MAFF: variants seen among roughly 807,000 people sequenced by gnomAD.
The protein encoded by MAFF is transcription factor MafF.
A neutral mutation model predicts 2.7 loss-of-function variants in MAFF; 4 were observed. That is an observed-to-expected ratio of 1.48 (90% CI 0.73 to 3.39). The LOEUF is 3.39. Among genes scored for constraint, MAFF ranks in the 30% most tolerant of loss-of-function variants. The pLI, the probability that MAFF is intolerant of heterozygous loss-of-function variation, is 0.01. For synonymous variants in MAFF, 113 were observed against 119.4 expected, an observed-to-expected ratio of 0.95 and a Z score of 0.35; for missense variants, 190 against 246.6, an observed-to-expected ratio of 0.77 and a Z score of 1.54.
In MAFF at chr22:38,214,275, C is replaced by A; in HGVS notation, c.37-145C>A. On this transcript the variant is annotated intron_variant, in intron 2 of 2. Transcript: ENST00000338483. This position sits in a 1 kb window ranked among gnomAD's most constrained non-coding sequence, Gnocchi z 6.3. The stretch of plus-strand genomic sequence containing the variant: ...CGATCCTAGTCTGGCCCGGTTTCCC[C>A]TTCCCGGATTCCTGCTCCCCTTCGG... 1.2e-6 allele frequency: 1 copy of A among 817,806 alleles called. No individual in the cohort carries two copies. The highest frequency in any genetic ancestry group is 1.7e-5 in the African/African-American group (1 of 57,690). 50.7% of individuals were successfully genotyped at this position (817,806 alleles called of 1,614,324 possible). A position where few individuals can be genotyped will look rare whatever the true frequency, so the allele number is the denominator to read the frequency against.
intron 1 of MAFF, 29 bp from the exon 2 acceptor site, chr22:38,213,794 C>G (rs2091120592): frequency 1.9e-6 from 3 of 1,541,650 alleles, no homozygotes; most frequent in Non-Finnish European, 2.7e-6. Context: ...AAAAACAAAA[C>G]AGTGACTTTG....
intron 1 of MAFF, among the ~76,000 whole-genome samples, chr22:38,209,308 G>T (rs1020606395): frequency 6.6e-6 from 1 of 151,666 alleles, no homozygotes; most frequent in Non-Finnish European, 1.5e-5. Context: ...CTTGTGATCC[G>T]CCCGCCTCAG....
In MAFF at chr22:38,215,232, T is replaced by C. The variant is rs1416386144; in HGVS notation, c.*354T>C. 4.3e-6 allele frequency: 1 copy of C among 234,212 alleles called. No homozygotes were observed. Among genetic ancestry groups the C allele is most frequent in the Non-Finnish European group, 9.0e-6 (1 of 110,826 alleles). The allele number at this position is 234,212 out of a possible 1,614,324, so 14.5% of individuals were successfully genotyped here. On this transcript the variant is annotated 3_prime_UTR_variant, in exon 3 of 3. Coordinates refer to ENST00000338483, the MANE Select transcript of MAFF (RefSeq NM_012323.4). ...TTGGAAACTGCTCTTATTGTGCCAA[T>C]ATGCCCTCCAAACCCTCCCAGGATT...
At chr22:38,207,592 A>G (rs1442770877) in intron 1 of MAFF, among the ~76,000 whole-genome samples, 1 of 146,416 alleles carries the variant, frequency 6.8e-6, no homozygotes, top group East Asian at 2.0e-4. Context: ...GGCGCCCACC[A>G]CCACACCCGG....
chr22:38,215,167 T>C lies in MAFF; in HGVS notation c.*289T>C, dbSNP rs1270503493. On this transcript the variant is annotated 3_prime_UTR_variant, in exon 3 of 3. Coordinates refer to ENST00000338483, the MANE Select transcript of MAFF (RefSeq NM_012323.4). Reference sequence around the variant, plus strand: ...TAGATTGAGAGATACAGAGCCGGCTTAGAGAACAGCTGTTGGGGGAGAAGA... The same window carrying C: ...TAGATTGAGAGATACAGAGCCGGCTCAGAGAACAGCTGTTGGGGGAGAAGA... The C allele has an allele frequency of 1.3e-5, 5 of 372,730 alleles. No homozygotes were observed. The highest frequency in any genetic ancestry group is 5.7e-4 in the Middle Eastern group (1 of 1,766). The allele number at this position is 372,730 out of a possible 1,614,324, so 23.1% of individuals were successfully genotyped here. A position where few individuals can be genotyped will look rare whatever the true frequency, so the allele number is the denominator to read the frequency against.
intron 1 of MAFF, among the ~76,000 whole-genome samples, chr22:38,206,352 T>C (rs1457211032): frequency 1.3e-5 from 2 of 149,120 alleles, no homozygotes; most frequent in African/African-American, 5.0e-5. Context: ...TTTTTTTTTT[T>C]TTTTTTTTTG....
intron 1 of MAFF, among the ~76,000 whole-genome samples, chr22:38,210,839 C>T (rs545698110): frequency 3.9e-5 from 6 of 151,916 alleles, no homozygotes; most frequent in Non-Finnish European, 8.8e-5. Context: ...GCAGGCGGAT[C>T]GCTTGAGCCA....
At chr22:38,204,498 AT>A (rs1173163604) in intron 1 of MAFF, among the ~76,000 whole-genome samples, 34 of 152,180 alleles carry the variant, frequency 2.2e-4, no homozygotes, top group African/African-American at 7.9e-4. Flanking sequence ...TGCTTCTTGG[AT>A]GTTTGCTGAT....
At chr22:38,212,048 G>A (rs2091105327) in intron 1 of MAFF, among the ~76,000 whole-genome samples, 1 of 152,158 alleles carries the variant, frequency 6.6e-6, no homozygotes. Flanking sequence ...CTCCCAGGCT[G>A]GAGTGCAGTG....
At position 38,214,464 on chromosome 22, in the gene MAFF, G is replaced by A; in HGVS notation, c.81G>A (p.Glu27=). The stretch of plus-strand genomic sequence containing the variant: ...AGAACACGCCGCACCTGTCGGACGA[G>A]GCGCTGATGGGGCTGTCGGTGCGCG... ...LSENTPHLSD[E]ALMGLSVREL... The change falls in exon 3 of 3, where the codon GAG becomes GAA. Residue 27 remains glutamate, a synonymous_variant. Coordinates refer to ENST00000338483, the MANE Select transcript of MAFF (RefSeq NM_012323.4). The surrounding 1 kb of genome is among the most constrained non-coding windows in gnomAD (Gnocchi z 6.3). The A allele has an allele frequency of 6.2e-7, 1 of 1,608,632 alleles. No homozygotes were observed. Among genetic ancestry groups the A allele is most frequent in the Non-Finnish European group, 8.5e-7 (1 of 1,178,478 alleles).
intron 1 of MAFF, among the ~76,000 whole-genome samples, chr22:38,210,623 AGTGTGTGT>A (rs71195095): frequency 2.8e-4 from 37 of 133,012 alleles, no homozygotes; most frequent in African/African-American, 5.7e-4. Flanking sequence ...GGACACAGGG[AGTGTGTGT>A]GTGTGTGTGT....
intron 1 of MAFF, among the ~76,000 whole-genome samples, chr22:38,208,697 C>A (rs1259533465): frequency 2.0e-5 from 3 of 152,138 alleles, no homozygotes; most frequent in African/African-American, 7.2e-5. Context: ...GGAGAGACAG[C>A]AAGGAAATAC....
At chr22:38,205,900 T>C (rs1322312582) in intron 1 of MAFF, among the ~76,000 whole-genome samples, 1 of 152,148 alleles carries the variant, frequency 6.6e-6, no homozygotes, top group Non-Finnish European at 1.5e-5. Flanking sequence ...TACCAGAAAG[T>C]TCCCCCTTCT....
intron 1 of MAFF, among the ~76,000 whole-genome samples, chr22:38,205,912 G>A (rs573486254): frequency 6.6e-6 from 1 of 152,352 alleles, no homozygotes; most frequent in South Asian, 2.1e-4. Flanking sequence ...CCCCCTTCTT[G>A]TGACTTTCCC....
intron 1 of MAFF, among the ~76,000 whole-genome samples, chr22:38,208,354 C>A (rs374587859): frequency 6.6e-6 from 1 of 152,238 alleles, no homozygotes; most frequent in Admixed American, 6.5e-5. Context: ...CCAAGCTTGA[C>A]TCCCAATCCA....
chr22:38,208,544 G>A (rs951527835), intron 1 of MAFF, among the ~76,000 whole-genome samples: 3 of 152,196 alleles, frequency 2.0e-5, no homozygotes, highest in African/African-American at 7.2e-5. Flanking sequence ...CTACGTTTCG[G>A]CTTGGAACCC....
At chr22:38,204,975 G>A (rs576199950) in intron 1 of MAFF, among the ~76,000 whole-genome samples, 30 of 152,214 alleles carry the variant, frequency 2.0e-4, no homozygotes, top group Admixed American at 4.6e-4. Flanking sequence ...AGGCTGGTGA[G>A]CAGGCGGTTG....
chr22:38,214,331 G>A lies in MAFF; in HGVS notation c.37-89G>A. On this transcript the variant is annotated intron_variant, in intron 2 of 2. Coordinates refer to ENST00000338483, the MANE Select transcript of MAFF (RefSeq NM_012323.4). The surrounding 1 kb of genome is among the most constrained non-coding windows in gnomAD (Gnocchi z 6.3). ...TGGATCAAGTCCACCCACCACCTCG[G>A]CGGCTAAGGCGGTGAAAGAGGAACA... 3 of 1,269,758 alleles carry A rather than the reference G, an allele frequency of 2.4e-6. No homozygotes were observed. Among genetic ancestry groups the A allele is most frequent in the Non-Finnish European group, 2.1e-6 (2 of 943,040 alleles). The allele number at this position is 1,269,758 out of a possible 1,614,324, so 78.7% of individuals were successfully genotyped here.
chr22:38,211,446 C>T (rs915004538), intron 1 of MAFF, among the ~76,000 whole-genome samples: 5 of 152,020 alleles, frequency 3.3e-5, no homozygotes, highest in Admixed American at 2.0e-4. Flanking sequence ...AGGCTGGTCT[C>T]GATCTCCTGA....
Sources: allele counts gnomAD v4.1 joint callset (sites outside exome capture counted in the v4.1 genomes callset), GRCh38; gene constraint gnomAD v4.1.1; non-coding constraint Gnocchi (gnomAD v3.1); transcripts MANE v1.5; gene names NCBI Gene and HGNC (gene_info 2026-07-23, HGNC 2026-07-21).